PLCB1: variants seen among roughly 807,000 people sequenced by gnomAD.
The protein encoded by PLCB1 is 1-phosphatidylinositol 4,5-bisphosphate phosphodiesterase beta-1.
Under a neutral mutation model 161.8 loss-of-function variants are expected in PLCB1, and 46 were observed. The observed-to-expected ratio is 0.28, with a 90% CI of 0.22 to 0.36. The LOEUF (loss-of-function observed/expected upper bound fraction) is 0.36. PLCB1 is among the 10% of genes least tolerant of loss of function. The pLI is 1.00. For synonymous variants in PLCB1, 517 were observed against 503.7 expected, an observed-to-expected ratio of 1.03 and a Z score of -0.35; for missense variants, 1,016 against 1,472.5, an observed-to-expected ratio of 0.69 and a Z score of 5.07.
chr20:8,725,552 A>G (rs1469843156), intron 16 of PLCB1, among the ~76,000 whole-genome samples: 1 of 152,168 alleles, frequency 6.6e-6, no homozygotes, highest in African/African-American at 2.4e-5. Context: ...TAATCTTACA[A>G]AAAGTCTTCA....
At chr20:8,293,312 T>C (rs1983467458) in intron 2 of PLCB1, among the ~76,000 whole-genome samples, 1 of 152,174 alleles carries the variant, frequency 6.6e-6, no homozygotes, top group Non-Finnish European at 1.5e-5. Context: ...TTTCCTGTCA[T>C]TCTTTCAAGT....
intron 31 of PLCB1, among the ~76,000 whole-genome samples, chr20:8,828,284 C>A (rs1275414969): frequency 6.6e-6 from 1 of 152,196 alleles, no homozygotes; most frequent in Admixed American, 6.5e-5. Context: ...CAAAAGCTCA[C>A]TTCTCTCTGT....
chr20:8,464,000 A>G (rs951260271), intron 3 of PLCB1, among the ~76,000 whole-genome samples: 1 of 152,156 alleles, frequency 6.6e-6, no homozygotes, highest in Non-Finnish European at 1.5e-5. Flanking sequence ...GTATTGTTAA[A>G]TATTTTCCAT....
rs41275584 is a variant in PLCB1 at position 8,697,810 on chromosome 20, A to G, written c.1167+27A>G. On this transcript the variant is annotated intron_variant, in intron 11 of 31. Coordinates refer to ENST00000338037, the MANE Select transcript of PLCB1 (RefSeq NM_015192.4). ...TAGAGTATATGAATGTTACTAAGAG[A>G]GGCAGCTGGAGACACCTGATTCCTT... is the stretch of plus-strand genomic sequence containing the variant. 3.9e-3 allele frequency: 6,233 copies of G among 1,606,678 alleles called. 21 individuals are homozygous for G. Among genetic ancestry groups the G allele is most frequent in the Middle Eastern group, 5.8e-3 (35 of 5,984 alleles).
intron 2 of PLCB1, among the ~76,000 whole-genome samples, chr20:8,180,007 C>T (rs557706205): frequency 7.9e-5 from 12 of 151,060 alleles, no homozygotes; most frequent in South Asian, 4.2e-4. Context: ...TACAGGTGCC[C>T]GCCACTACGC....
intron 2 of PLCB1, among the ~76,000 whole-genome samples, chr20:8,341,099 GC>G (rs1213684693): frequency 6.6e-6 from 1 of 152,010 alleles, no homozygotes; most frequent in Non-Finnish European, 1.5e-5. Context: ...GTTCCACCAT[GC>G]CCCCCTCCCA....
chr20:8,188,344 G>T (rs144240880), intron 2 of PLCB1, among the ~76,000 whole-genome samples: 1 of 152,216 alleles, frequency 6.6e-6, no homozygotes, highest in East Asian at 1.9e-4. Context: ...GGGCTACAAA[G>T]GAAGTAGACA....
At chr20:8,556,017 TG>T (rs1985941320) in intron 3 of PLCB1, among the ~76,000 whole-genome samples, 1 of 152,068 alleles carries the variant, frequency 6.6e-6, no homozygotes, top group Non-Finnish European at 1.5e-5. Context: ...TAAGTGACTC[TG>T]AATGTCTGTT....
rs1479933564 is a variant in PLCB1 at position 8,881,773 on chromosome 20, A to G, written c.3575A>G (p.Lys1192Arg). The G allele has an allele frequency of 6.2e-7, 1 of 1,614,088 alleles. No homozygotes were observed. The highest frequency in any genetic ancestry group is 8.5e-7 in the Non-Finnish European group (1 of 1,179,968). Residue 1192 changes from lysine to arginine, a missense_variant, in exon 32 of 32, where the codon AAA becomes AGA. Physicochemically the swap from Lys to Arg is conservative, Grantham distance 26 (BLOSUM62 2). Coordinates refer to ENST00000338037, the MANE Select transcript of PLCB1 (RefSeq NM_015192.4). ...CTCTCCCTGTCCTCAGACCCTGGAAAAGTGAACCACAAGACTCCCTCCAGT... is the reference window on the plus strand; with the variant it reads ...CTCTCCCTGTCCTCAGACCCTGGAAGAGTGAACCACAAGACTCCCTCCAGT... Reference protein sequence around the residue: ...APLSLSSDPGKVNHKTPSSEE... With the variant: ...APLSLSSDPGRVNHKTPSSEE...
chr20:8,324,661 A>T (rs1377747082), intron 2 of PLCB1, among the ~76,000 whole-genome samples: 1 of 152,210 alleles, frequency 6.6e-6, no homozygotes, highest in Non-Finnish European at 1.5e-5. Context: ...GTTGAAAGAG[A>T]ATAAGACCAT....
intron 31 of PLCB1, among the ~76,000 whole-genome samples, chr20:8,873,239 T>G (rs1281980039): frequency 6.6e-6 from 1 of 152,182 alleles, no homozygotes; most frequent in Admixed American, 6.5e-5. Context: ...TTTTTATTCT[T>G]GAAGCAAAAT....
intron 3 of PLCB1, among the ~76,000 whole-genome samples, chr20:8,622,124 C>G (rs67386747): frequency 1.3e-5 from 2 of 151,712 alleles, no homozygotes; most frequent in African/African-American, 2.4e-5. Context: ...GTTGGTGGCG[C>G]GTGCCTGTAG....
intron 31 of PLCB1, among the ~76,000 whole-genome samples, chr20:8,795,201 T>G (rs550571905): frequency 6.6e-6 from 1 of 152,304 alleles, no homozygotes; most frequent in East Asian, 1.9e-4. Context: ...ACTAGGATCT[T>G]TTCATGTGGA....
Position 8,361,197 on chromosome 20 carries a change from G to A in PLCB1, c.178-10185G>A, listed in dbSNP as rs979062062. ...TCTAGGGCCCAATGTGGAAATTGCT[G>A]CTTTAATCTACAGTGATATTAGAGC... On this transcript the variant is annotated intron_variant, in intron 2 of 31. Transcript: ENST00000338037. 3.7e-4 allele frequency among the ~76,000 whole-genome samples: 56 copies of A among 152,214 alleles called. 2 individuals carry two copies. Among genetic ancestry groups the A allele is most frequent in the Non-Finnish European group, 1.8e-4 (12 of 68,042 alleles).
chr20:8,459,160 G>A (rs369987832), intron 3 of PLCB1, among the ~76,000 whole-genome samples: 1 of 152,072 alleles, frequency 6.6e-6, no homozygotes, highest in East Asian at 1.9e-4. Flanking sequence ...AAACACTTAC[G>A]CAGCTAAATT....
chr20:8,686,200 C>T (rs1252171836), intron 10 of PLCB1, among the ~76,000 whole-genome samples: 4 of 152,124 alleles, frequency 2.6e-5, no homozygotes, highest in Non-Finnish European at 5.9e-5. Context: ...AAAACTGTAA[C>T]CATTCTTTCT....
chr20:8,463,476 AG>A (rs1832841037), intron 3 of PLCB1, among the ~76,000 whole-genome samples: 1 of 152,278 alleles, frequency 6.6e-6, no homozygotes, highest in East Asian at 1.9e-4. Flanking sequence ...CTTTAAAAAA[AG>A]AATCATACTG....
chr20:8,317,483 C>T (rs943800803), intron 2 of PLCB1, among the ~76,000 whole-genome samples: 1 of 152,104 alleles, frequency 6.6e-6, no homozygotes, highest in African/African-American at 2.4e-5. Flanking sequence ...CAAGCTAGTA[C>T]TCAGCAAGAT....
chr20:8,831,929 T>A (rs1372795278), intron 31 of PLCB1, among the ~76,000 whole-genome samples: 2 of 73,552 alleles, frequency 2.7e-5, no homozygotes, highest in Admixed American at 1.4e-4. Context: ...TTTCTTTCTT[T>A]CTTTCTTTCT....
Sources: gnomAD v4.1 joint callset for allele counts (sites outside exome capture counted in the v4.1 genomes callset) on GRCh38, gnomAD v4.1.1 for gene constraint, MANE v1.5 for transcripts, NCBI Gene and HGNC (gene_info 2026-07-23, HGNC 2026-07-21) for gene names.